RRBP1: variants seen among roughly 807,000 people sequenced by gnomAD.
RRBP1 encodes ribosome-binding protein 1.
A neutral mutation model predicts 165.2 loss-of-function variants in RRBP1; 94 were observed. That is an observed-to-expected ratio of 0.57 (90% CI 0.48 to 0.68). The LOEUF (loss-of-function observed/expected upper bound fraction) is 0.68. RRBP1 is among the 30% of genes least tolerant of loss of function. RRBP1 has a pLI of 0.00. For synonymous variants in RRBP1, 680 were observed against 714.5 expected (o/e 0.95, Z 0.77); for missense variants, 1,676 against 1,763.0 (o/e 0.95, Z 0.88).
chr20:17,657,947 T>C (rs1341947986), intron 3 of RRBP1, among the ~76,000 whole-genome samples: 1 of 152,150 alleles, frequency 6.6e-6, no homozygotes, highest in Non-Finnish European at 1.5e-5. Context: ...AAGCATCAGG[T>C]GAGGCAAGAA....
chr20:17,660,408 T>G lies in RRBP1; in HGVS notation c.100A>C (p.Lys34Gln). The change falls in exon 3 of 25, where the codon AAG becomes CAG. Residue 34 changes from lysine to glutamine, a missense_variant. Physicochemically the swap from Lys to Gln is moderately conservative, Grantham distance 53 (BLOSUM62 1). This residue lies in a region of RRBP1 where 392 missense variants were observed against 382.5 expected (regional missense o/e 1.02). Coordinates refer to ENST00000377813, the MANE Select transcript of RRBP1 (RefSeq NM_001365613.2). ...AGGGCTTCTTCATATGACGTTTCCTTCATGGAGAAAGTCGACACCAGGAAG... is the reference window on the plus strand; with the variant it reads ...AGGGCTTCTTCATATGACGTTTCCTGCATGGAGAAAGTCGACACCAGGAAG... ...GIFLVSTFSM[K>Q]ETSYEEALAN... is the part of the protein sequence containing the mutation. 1 of 1,614,184 alleles carries G rather than the reference T, an allele frequency of 6.2e-7. No homozygotes were observed. Among genetic ancestry groups the G allele is most frequent in the South Asian group, 1.1e-5 (1 of 91,084 alleles).
chr20:17,665,109 T>A (rs2036844616), intron 2 of RRBP1, among the ~76,000 whole-genome samples: 1 of 148,356 alleles, frequency 6.7e-6, no homozygotes, highest in African/African-American at 2.6e-5. Context: ...TACATATATA[T>A]GTGGGGGGGG....
chr20:17,634,633 T>C (rs2036214894), intron 7 of RRBP1, among the ~76,000 whole-genome samples: 1 of 152,202 alleles, frequency 6.6e-6, no homozygotes, highest in Admixed American at 6.5e-5. Flanking sequence ...GTGACAAGTC[T>C]CCTGGCTTTA....
chr20:17,625,419 G>A (rs998716529), intron 12 of RRBP1, 93 bp downstream of exon 12: 11 of 1,085,884 alleles, frequency 1.0e-5, no homozygotes, highest in African/African-American at 1.5e-5. Context: ...GCCCTCCCCC[G>A]AGTCCAGGGC....
At chr20:17,671,900 C>T (rs1291214550) in intron 2 of RRBP1, among the ~76,000 whole-genome samples, 1 of 152,222 alleles carries the variant, frequency 6.6e-6, no homozygotes, top group African/African-American at 2.4e-5. Context: ...TCAGGCCACC[C>T]AGCCTATTCT....
intron 2 of RRBP1, among the ~76,000 whole-genome samples, chr20:17,664,380 G>C (rs900778485): frequency 6.6e-6 from 1 of 152,206 alleles, no homozygotes; most frequent in Non-Finnish European, 1.5e-5. Context: ...AATATTGTCA[G>C]ACCACAGCTT....
intron 9 of RRBP1, among the ~76,000 whole-genome samples, chr20:17,628,862 C>A (rs1265909507): frequency 6.6e-6 from 1 of 152,268 alleles, no homozygotes; most frequent in Non-Finnish European, 1.5e-5. Context: ...ATCAATGAAG[C>A]TTTCTTTGAA....
At chr20:17,618,713 A>G in intron 19 of RRBP1, 34 bp from the exon 20 acceptor site, 1 of 1,498,088 alleles carries the variant, frequency 6.7e-7, no homozygotes, top group African/African-American at 1.4e-5. Flanking sequence ...TGATGGGAAA[A>G]AAGGAGAGAA....
At chr20:17,632,195 T>C (rs961618400) in intron 8 of RRBP1, among the ~76,000 whole-genome samples, 13 of 152,106 alleles carry the variant, frequency 8.5e-5, no homozygotes, top group Admixed American at 3.9e-4. Flanking sequence ...CACAGAATCT[T>C]TGGTGTCAGA....
chr20:17,659,302 A>G lies in RRBP1; in HGVS notation c.1206T>C (p.Ala402=), dbSNP rs112484631. 1.5e-3 allele frequency: 1,627 copies of G among 1,112,900 alleles called. 2 individuals are homozygous for G. Among genetic ancestry groups the G allele is most frequent in the Admixed American group, 1.7e-3 (43 of 25,602 alleles). The allele number at this position is 1,112,900 out of a possible 1,614,324, so 68.9% of individuals were successfully genotyped here. A position where few individuals can be genotyped will look rare whatever the true frequency, so the allele number is the denominator to read the frequency against. ...VEGAQNQGKK[A]EGAQNQGKKA... ...TTTTGCCCTGGTTCTGGGCACCCTC[A>G]GCCTTCTTGCCCTGGTTCTGGGCCC... Residue 402 remains alanine (A), a synonymous_variant, in exon 3 of 25, where the codon GCT becomes GCC. Transcript: ENST00000377813.
At chr20:17,651,813 T>C (rs964028791) in intron 3 of RRBP1, among the ~76,000 whole-genome samples, 8 of 152,234 alleles carry the variant, frequency 5.3e-5, no homozygotes, top group African/African-American at 1.9e-4. Flanking sequence ...GTGTTCTCTG[T>C]CAAATACAGC....
At chr20:17,622,022 T>A (rs2035925648) in intron 13 of RRBP1, 75 bp from the exon 14 acceptor site, 1 of 1,088,056 alleles carries the variant, frequency 9.2e-7, no homozygotes, top group African/African-American at 1.5e-5. Flanking sequence ...TCTTTACTGA[T>A]ATGCCCGGGT....
At chr20:17,639,851 C>G (rs2036316678) in intron 5 of RRBP1, among the ~76,000 whole-genome samples, 1 of 148,862 alleles carries the variant, frequency 6.7e-6, no homozygotes, top group Admixed American at 6.8e-5. Flanking sequence ...CAAGATCGTG[C>G]CATTGCACTC....
chr20:17,640,405 G>C (rs2036330868), intron 5 of RRBP1, among the ~76,000 whole-genome samples: 1 of 152,218 alleles, frequency 6.6e-6, no homozygotes, highest in South Asian at 2.1e-4. Context: ...CTGAGCACAG[G>C]TAGGGAAAGG....
intron 2 of RRBP1, among the ~76,000 whole-genome samples, chr20:17,661,643 G>A (rs1161640081): frequency 1.3e-5 from 2 of 152,184 alleles, no homozygotes; most frequent in African/African-American, 4.8e-5. Context: ...GAAGATCGAT[G>A]GAATGAGCAA....
rs557638807 is a variant in RRBP1, at chr20:17,641,585, C to T, written c.2184+212G>A. 8.0e-5 allele frequency: 49 copies of T among 609,666 alleles called. 1 individual carries two copies. The highest frequency in any genetic ancestry group is 6.3e-4 in the South Asian group (33 of 52,340). The allele number at this position is 609,666 out of a possible 1,614,324, so 37.8% of individuals were successfully genotyped here. On this transcript the variant is annotated intron_variant, in intron 5 of 24. Coordinates refer to ENST00000377813, the MANE Select transcript of RRBP1 (RefSeq NM_001365613.2). ...CTTACAGCCACGAAGGAAGCCACCA[C>T]GCCGTAGAGCCACGAGCACTGCCAA...
chr20:17,627,337 C>G lies in RRBP1; in HGVS notation c.2963+11G>C, dbSNP rs373415177. On this transcript the variant is annotated intron_variant, in intron 11 of 24. Transcript: ENST00000377813. ...GCTCAAGTGAGCAGGCAGGCTGCTT[C>G]CCCAGCTTACCGAGTCTGCTGCTGG... 2.6e-5 allele frequency: 42 copies of G among 1,612,726 alleles called. No individual in the cohort carries two copies. In the Middle Eastern group the frequency reaches 5.6e-4, roughly 22 times the overall value.
At chr20:17,656,203 T>C (rs1426049449) in intron 3 of RRBP1, among the ~76,000 whole-genome samples, 1 of 152,180 alleles carries the variant, frequency 6.6e-6, no homozygotes, top group Non-Finnish European at 1.5e-5. Context: ...TTCCCCATGT[T>C]TTCTAGACTG....
chr20:17,661,639 C>A (rs538069248), intron 2 of RRBP1, among the ~76,000 whole-genome samples: 8 of 151,960 alleles, frequency 5.3e-5, no homozygotes, highest in Admixed American at 3.3e-4. Flanking sequence ...TAAAGAAGAT[C>A]GATGGAATGA....
Sources: allele counts gnomAD v4.1 joint callset (sites outside exome capture counted in the v4.1 genomes callset), GRCh38; gene constraint gnomAD v4.1.1; regional missense constraint gnomAD v4.1.1; transcripts MANE v1.5; gene names NCBI Gene and HGNC (gene_info 2026-07-23, HGNC 2026-07-21).